CLEC16A: variants seen among roughly 807,000 people sequenced by gnomAD.
CLEC16A encodes protein CLEC16A.
In CLEC16A, 51 loss-of-function variants were observed where a neutral mutation model predicts 109.5. The observed-to-expected ratio is 0.47, with a 90% CI of 0.37 to 0.59. The LOEUF is 0.59. Among genes scored for constraint, CLEC16A ranks in the 20% least tolerant of loss-of-function variants. The pLI is 0.00. For synonymous variants in CLEC16A, 673 were observed against 564.2 expected (o/e 1.19, Z -2.73); for missense variants, 1,339 against 1,394.0 (o/e 0.96, Z 0.63).
At chr16:11,021,268 T>C (rs924392714) in intron 12 of CLEC16A, among the ~76,000 whole-genome samples, 1 of 152,216 alleles carries the variant, frequency 6.6e-6, no homozygotes, top group African/African-American at 2.4e-5. Flanking sequence ...TTATCAGATG[T>C]GCAAGGGAGC....
chr16:11,097,350 C>G (rs561798720), intron 19 of CLEC16A, among the ~76,000 whole-genome samples: 12 of 152,286 alleles, frequency 7.9e-5, no homozygotes, highest in African/African-American at 2.9e-4. Flanking sequence ...TTAATCAGCT[C>G]CCTCGCCCTT....
rs868375462 is a variant in CLEC16A at position 11,157,181 on chromosome 16, G to A, written c.2642-9207G>A. 2.1e-5 allele frequency: 26 copies of A among 1,261,010 alleles called. No individual in the cohort carries two copies. In the Middle Eastern group the frequency reaches 4.3e-3, roughly 206 times the overall value. The allele number at this position is 1,261,010 out of a possible 1,614,324, so 78.1% of individuals were successfully genotyped here. A position where few individuals can be genotyped will look rare whatever the true frequency, so the allele number is the denominator to read the frequency against. On this transcript the variant is annotated intron_variant, in intron 22 of 23. Coordinates refer to ENST00000409790, the MANE Select transcript of CLEC16A (RefSeq NM_015226.3). The stretch of plus-strand genomic sequence containing the variant: ...CCAGCTATTTTTGTATGTTGGACAT[G>A]TTATCCGTTGAAAAGCAATCAGAAA...
chr16:11,084,914 G>T (rs146533273), intron 19 of CLEC16A, among the ~76,000 whole-genome samples: 62 of 152,328 alleles, frequency 4.1e-4, no homozygotes, highest in African/African-American at 1.3e-3. Context: ...AGGCAGAAAG[G>T]GCCCATGGCC....
Position 11,125,998 on chromosome 16 carries a change from C to G in CLEC16A, c.2493C>G (p.Ile831Met), listed in dbSNP as rs758788543. ...QRIAALLDLP[I>M]QPTTEVLGFG... is the part of the protein sequence containing the mutation. Reference sequence around the variant, plus strand: ...CCGTAGCCCTCCTGGACCTCCCAATCCAGCCCACCACTGAAGTCCTGGGGT... The same window carrying G: ...CCGTAGCCCTCCTGGACCTCCCAATGCAGCCCACCACTGAAGTCCTGGGGT... Residue 831 changes from isoleucine (I) to methionine (M), a missense_variant, in exon 22 of 24, where the codon ATC becomes ATG. Ile to Met is a conservative substitution (Grantham distance 10). Transcript: ENST00000409790. 1.2e-6 allele frequency: 2 copies of G among 1,612,388 alleles called. No homozygotes were observed. The highest frequency in any genetic ancestry group is 1.1e-5 in the South Asian group (1 of 91,030).
At chr16:10,977,159 A>G (rs919561736) in intron 7 of CLEC16A, 66 bp from the exon 8 acceptor site, 10 of 1,459,206 alleles carry the variant, frequency 6.9e-6, no homozygotes, top group Non-Finnish European at 7.5e-6. Context: ...GTCTCAGGCC[A>G]TTGATGTTAG....
intron 18 of CLEC16A, among the ~76,000 whole-genome samples, chr16:11,055,742 T>C (rs756332594): frequency 1.3e-5 from 2 of 151,574 alleles, no homozygotes; most frequent in African/African-American, 2.4e-5. Flanking sequence ...GTCCAGCTGA[T>C]TTTTTAATTT....
rs201054925 is a variant in CLEC16A at position 11,166,518 on chromosome 16, G to T, written c.2772G>T (p.Ser924=). 3 of 1,607,828 alleles carry T rather than the reference G, an allele frequency of 1.9e-6. No homozygotes were observed. The highest frequency in any genetic ancestry group is 2.2e-5 in the South Asian group (2 of 90,546). The change falls in exon 23 of 24, where the codon TCG becomes TCT. Residue 924 remains serine, a synonymous_variant. Transcript: ENST00000409790. ...TSHCDSGGTS[S]SSTPSTAQSP... is the part of the protein sequence containing the mutation. ...ACTGCGACTCTGGAGGCACCAGCTCGTCCTCCACCCCCTCCACAGCCCAGA... is the reference window on the plus strand; with the variant it reads ...ACTGCGACTCTGGAGGCACCAGCTCTTCCTCCACCCCCTCCACAGCCCAGA...
At chr16:11,014,957 C>G (rs1207278867) in intron 11 of CLEC16A, among the ~76,000 whole-genome samples, 2 of 151,902 alleles carry the variant, frequency 1.3e-5, no homozygotes, top group Non-Finnish European at 1.5e-5. Flanking sequence ...AGATGATACT[C>G]ACTTTAGAGC....
At chr16:11,048,405 G>A (rs988087113) in intron 17 of CLEC16A, 5 of 152,216 alleles carry the variant, frequency 3.3e-5, no homozygotes, top group African/African-American at 1.2e-4. Context: ...ACCTGCCCTT[G>A]GCTAGGTACT....
At chr16:11,160,429 G>C (rs1047401394) in intron 22 of CLEC16A, among the ~76,000 whole-genome samples, 1 of 152,140 alleles carries the variant, frequency 6.6e-6, no homozygotes, top group Non-Finnish European at 1.5e-5. Flanking sequence ...TACCCAAAAA[G>C]TCCACTTGCA....
intron 19 of CLEC16A, among the ~76,000 whole-genome samples, chr16:11,098,280 C>G (rs1421472374): frequency 2.0e-5 from 3 of 152,266 alleles, no homozygotes; most frequent in African/African-American, 7.2e-5. Flanking sequence ...TCAGCCCCAT[C>G]TCCAAGGAAC....
At chr16:11,165,601 G>A (rs2068226476) in intron 22 of CLEC16A, among the ~76,000 whole-genome samples, 1 of 152,218 alleles carries the variant, frequency 6.6e-6, no homozygotes, top group Non-Finnish European at 1.5e-5. Context: ...GTGGGAGTAT[G>A]TAGTGATACT....
chr16:11,093,329 G>A (rs1027580494), intron 19 of CLEC16A, among the ~76,000 whole-genome samples: 1 of 152,190 alleles, frequency 6.6e-6, no homozygotes, highest in African/African-American at 2.4e-5. Context: ...CAGCCAGTGC[G>A]GTTACCGTGG....
chr16:11,083,023 CA>C (rs2049814297), intron 19 of CLEC16A, among the ~76,000 whole-genome samples: 1 of 152,208 alleles, frequency 6.6e-6, no homozygotes, highest in Admixed American at 6.5e-5. Context: ...AGAGCCCAGA[CA>C]AAGGCTCTGA....
chr16:11,175,018 C>A (rs1329745000), intron 23 of CLEC16A, among the ~76,000 whole-genome samples: 5 of 152,262 alleles, frequency 3.3e-5, no homozygotes, highest in Admixed American at 1.3e-4. Flanking sequence ...CCTTTGCCTT[C>A]TTTTGTGTTG....
At position 11,126,245 on chromosome 16, in the gene CLEC16A, C is replaced by T. The variant is rs770323366; in HGVS notation, c.2641+99C>T. The T allele has an allele frequency of 5.7e-6, 9 of 1,573,070 alleles. No individual in the cohort carries two copies. In the East Asian group the frequency reaches 2.1e-4, roughly 37 times the overall value. On this transcript the variant is annotated intron_variant, in intron 22 of 23. Coordinates refer to ENST00000409790, the MANE Select transcript of CLEC16A (RefSeq NM_015226.3). ...CCTGTGTGAGCTGCCCTTCCTCTCT[C>T]AGAAGCCCCGTCGGCTGGCAGCACC...
rs114510630 is a variant in CLEC16A at position 11,030,274 on chromosome 16, A to G, written c.1537+5353A>G. Among the ~76,000 whole-genome samples, 691 of 152,328 alleles carry G rather than the reference A, an allele frequency of 4.5e-3. 5 individuals carry two copies. Among genetic ancestry groups the G allele is most frequent in the Middle Eastern group, 0.031 (9 of 294 alleles). ...TCTTGGATAAATACCTAGGAATGGA[A>G]TGGCTGAATCATATTTCCCATATAA... On this transcript the variant is annotated intron_variant, in intron 13 of 23. Coordinates refer to ENST00000409790, the MANE Select transcript of CLEC16A (RefSeq NM_015226.3).
At chr16:11,169,848 C>A (rs575866321) in intron 23 of CLEC16A, among the ~76,000 whole-genome samples, 1 of 152,176 alleles carries the variant, frequency 6.6e-6, no homozygotes, top group Non-Finnish European at 1.5e-5. Context: ...TGCTGTGTGG[C>A]GTCCCAGTAG....
At chr16:11,023,032 G>T (rs2046209181) in intron 12 of CLEC16A, among the ~76,000 whole-genome samples, 1 of 149,586 alleles carries the variant, frequency 6.7e-6, no homozygotes, top group African/African-American at 2.4e-5. Context: ...GCATAAAGGG[G>T]GAAAAAGTCT....
Sources: allele counts gnomAD v4.1 joint callset (sites outside exome capture counted in the v4.1 genomes callset), GRCh38; gene constraint gnomAD v4.1.1; transcripts MANE v1.5; gene names NCBI Gene and HGNC (gene_info 2026-07-23, HGNC 2026-07-21).